SLC38A7: variants seen among roughly 807,000 people sequenced by gnomAD.
SLC38A7 encodes the protein solute carrier family 38 member 7.
Under a neutral mutation model 50.1 loss-of-function variants are expected in SLC38A7, and 29 were observed. The observed-to-expected ratio is 0.58, with a 90% CI of 0.43 to 0.79. The LOEUF (loss-of-function observed/expected upper bound fraction) is 0.79, where lower values mean the gene tolerates loss of function less well. SLC38A7 is among the 30% of genes least tolerant of loss of function. The pLI, the probability that SLC38A7 is intolerant of heterozygous loss-of-function variation, is 0.00. For synonymous variants in SLC38A7, 244 were observed against 245.9 expected, an observed-to-expected ratio of 0.99 and a Z score of 0.07; for missense variants, 483 against 610.6, an observed-to-expected ratio of 0.79 and a Z score of 2.20.
chr16:58,669,775 G>GGAAGGAGGATC, intron 11 of SLC38A7, among the ~76,000 whole-genome samples: 1 of 151,850 alleles, frequency 6.6e-6, no homozygotes, highest in East Asian at 1.9e-4. Flanking sequence ...AGGAGTTCGA[G>GGAAGGAGGATC]ACCGGCCTGG....
At chr16:58,669,974 CAAAA>C in intron 11 of SLC38A7, 135 bp downstream of exon 11, 3 of 591,528 alleles carry the variant, frequency 5.1e-6, no homozygotes, top group Non-Finnish European at 5.3e-6. Flanking sequence ...GACTCCGGCT[CAAAA>C]AAAAAAAAAC....
chr16:58,676,492 G>C lies in SLC38A7; in HGVS notation c.711-146C>G, dbSNP rs555323370. The C allele has an allele frequency of 4.8e-6, 4 of 830,092 alleles. No homozygotes were observed. In the African/African-American group the frequency reaches 5.0e-5, roughly 10 times the overall value. 51.4% of individuals were successfully genotyped at this position (830,092 alleles called of 1,614,324 possible). A position where few individuals can be genotyped will look rare whatever the true frequency, so the allele number is the denominator to read the frequency against. ...ACCCACAGAAGTCTGGGAACAGGGA[G>C]AAGAGGCATCCTTATGTCCCAGGGC... On this transcript the variant is annotated intron_variant, in intron 6 of 11. Coordinates refer to ENST00000219320, the MANE Select transcript of SLC38A7 (RefSeq NM_018231.3).
intron 8 of SLC38A7, among the ~76,000 whole-genome samples, chr16:58,674,300 A>G (rs1477944922): frequency 6.6e-6 from 1 of 152,110 alleles, no homozygotes; most frequent in Non-Finnish European, 1.5e-5. Flanking sequence ...TTTTAGAGAC[A>G]GGGTCTCACT....
Position 58,678,613 on chromosome 16 carries a change from G to T in SLC38A7, c.469+83C>A. The T allele has an allele frequency of 6.3e-7, 1 of 1,576,310 alleles. No individual in the cohort carries two copies. The highest frequency in any genetic ancestry group is 2.3e-5 in the East Asian group (1 of 44,080). On this transcript the variant is annotated intron_variant, in intron 4 of 11. Transcript: ENST00000219320. The surrounding 1 kb of genome is among the most constrained non-coding windows in gnomAD (Gnocchi z 4.0). ...GCTGGGCCCAGGTAAGTCCTGGAGA[G>T]GTGTTCAGTGCCTTTTCCCTCCACC...
At chr16:58,676,397 A>G (rs781442473) in intron 6 of SLC38A7, 51 bp from the exon 7 acceptor site, 2 of 1,601,178 alleles carry the variant, frequency 1.2e-6, no homozygotes, top group Non-Finnish European at 1.7e-6. Context: ...TCAGAGCCAC[A>G]ACCCACCCCA....
chr16:58,676,884 G>C (rs892377893), intron 6 of SLC38A7, among the ~76,000 whole-genome samples: 5 of 152,000 alleles, frequency 3.3e-5, no homozygotes, highest in Admixed American at 6.6e-5. Context: ...TCAATCTCCT[G>C]ACCTCATGAT....
chr16:58,672,375 G>A (rs2044177224), intron 8 of SLC38A7, 132 bp from the exon 9 acceptor site: 2 of 966,524 alleles, frequency 2.1e-6, no homozygotes, highest in East Asian at 2.8e-5. Flanking sequence ...GGCTCAGAGT[G>A]GGAGATGGGG....
intron 2 of SLC38A7, chr16:58,681,256 G>A (rs771007933): frequency 2.7e-4 from 41 of 152,250 alleles, no homozygotes; most frequent in Admixed American, 1.6e-3. Flanking sequence ...GTCATATGGC[G>A]GTCAGTGGTG....
intron 8 of SLC38A7, among the ~76,000 whole-genome samples, chr16:58,674,355 C>T (rs1482998502): frequency 2.0e-5 from 3 of 152,162 alleles, no homozygotes; most frequent in Non-Finnish European, 2.9e-5. Context: ...TGGGTCTCTA[C>T]AGCCTTGATC....
chr16:58,665,469 G>C lies in SLC38A7; in HGVS notation c.*1916C>G, dbSNP rs866355000. On this transcript the variant is annotated 3_prime_UTR_variant, in exon 12 of 12. Coordinates refer to ENST00000219320, the MANE Select transcript of SLC38A7 (RefSeq NM_018231.3). ...GGGCAGAGAAGATCAGGCACCAAGA[G>C]GGGATGTGAGAAAAGGCAGTTTATC... 1 of 151,192 alleles carries C rather than the reference G, an allele frequency of 6.6e-6. No individual in the cohort carries two copies. Among genetic ancestry groups the C allele is most frequent in the African/African-American group, 2.5e-5 (1 of 40,132 alleles). The allele number at this position is 151,192 out of a possible 1,614,324, so 9.4% of individuals were successfully genotyped here.
In SLC38A7 at chr16:58,667,125, T is replaced by C. The variant is rs1597659811; in HGVS notation, c.*260A>G. 5.8e-6 allele frequency: 3 copies of C among 512,906 alleles called. No homozygotes were observed. In the East Asian group the frequency reaches 9.3e-5, roughly 16 times the overall value. 31.8% of individuals were successfully genotyped at this position (512,906 alleles called of 1,614,324 possible). On this transcript the variant is annotated 3_prime_UTR_variant, in exon 12 of 12. Transcript: ENST00000219320. ...TTCCAGGCATGGAGAAGTTGAGAAC[T>C]GGGAGAGGAGGAGGGGTCCTCTATG...
At chr16:58,680,532 T>A (rs969513008) in intron 2 of SLC38A7, among the ~76,000 whole-genome samples, 2 of 152,194 alleles carry the variant, frequency 1.3e-5, no homozygotes, top group Admixed American at 6.5e-5. Context: ...AGGTGTGTCA[T>A]GGATATACTT....
intron 8 of SLC38A7, among the ~76,000 whole-genome samples, chr16:58,673,867 C>T (rs2044209478): frequency 6.6e-6 from 1 of 151,664 alleles, no homozygotes; most frequent in Admixed American, 6.6e-5. Context: ...ACTTTCTCCC[C>T]CAGGCTGGAG....
Position 58,684,101 on chromosome 16 carries a change from A to C in SLC38A7, c.-262T>G, listed in dbSNP as rs542221154. On this transcript the variant is annotated 5_prime_UTR_variant, in exon 2 of 12. Transcript: ENST00000219320. ...AAAATTTGCTGTCAGCAGAGGGAAG[A>C]GTTTGGGCTACTTCTGTGCTGGCTT... is the stretch of plus-strand genomic sequence containing the variant. The C allele has an allele frequency of 1.3e-5, 2 of 152,366 alleles. No individual in the cohort carries two copies. The highest frequency in any genetic ancestry group is 2.9e-5 in the Non-Finnish European group (2 of 68,144). 9.4% of individuals were successfully genotyped at this position (152,366 alleles called of 1,614,324 possible).
Position 58,676,059 on chromosome 16 carries a change from C to G in SLC38A7, c.769-5G>C, listed in dbSNP as rs2044259979. 1 of 1,611,778 alleles carries G rather than the reference C, an allele frequency of 6.2e-7. No homozygotes were observed. Among genetic ancestry groups the G allele is most frequent in the African/African-American group, 1.3e-5 (1 of 74,870 alleles). On this transcript the variant is annotated splice_region_variant and splice_polypyrimidine_tract_variant and intron_variant, in intron 7 of 11. Transcript: ENST00000219320. ...GGGCACACTGCTGACGTGGCACTGT[C>G]CAGGTGAAGGGCACCGTCATGGTGG... is the stretch of plus-strand genomic sequence containing the variant.
At chr16:58,679,437 A>G (rs2044339531) in intron 3 of SLC38A7, among the ~76,000 whole-genome samples, 1 of 152,180 alleles carries the variant, frequency 6.6e-6, no homozygotes, top group African/African-American at 2.4e-5. Flanking sequence ...GCATGTATCC[A>G]TCACTCAGCT....
At chr16:58,682,169 C>T (rs979067625) in intron 2 of SLC38A7, among the ~76,000 whole-genome samples, 11 of 152,028 alleles carry the variant, frequency 7.2e-5, no homozygotes, top group Non-Finnish European at 1.3e-4. Flanking sequence ...AACAAACAAA[C>T]AAACAAAACT....
Position 58,667,184 on chromosome 16 carries a change from C to A in SLC38A7, c.*201G>T, listed in dbSNP as rs558720388. On this transcript the variant is annotated 3_prime_UTR_variant, in exon 12 of 12. Coordinates refer to ENST00000219320, the MANE Select transcript of SLC38A7 (RefSeq NM_018231.3). ...CTTCCTGCCGCCATCCACGGCACTG[C>A]CAGGACTGGGGAGCAGGAAGGGGAC... 111 of 534,658 alleles carry A rather than the reference C, an allele frequency of 2.1e-4. No individual in the cohort carries two copies. The highest frequency in any genetic ancestry group is 3.5e-4 in the Non-Finnish European group (105 of 301,870). 33.1% of individuals were successfully genotyped at this position (534,658 alleles called of 1,614,324 possible).
chr16:58,665,477 G>A lies in SLC38A7; in HGVS notation c.*1908C>T, dbSNP rs527885781. ...AAGATCAGGCACCAAGAGGGGATGT[G>A]AGAAAAGGCAGTTTATCCATCTGGG... On this transcript the variant is annotated 3_prime_UTR_variant, in exon 12 of 12. Coordinates refer to ENST00000219320, the MANE Select transcript of SLC38A7 (RefSeq NM_018231.3). 1.3e-5 allele frequency: 2 copies of A among 151,094 alleles called. No homozygotes were observed. The highest frequency in any genetic ancestry group is 5.0e-5 in the African/African-American group (2 of 40,022). 9.4% of individuals were successfully genotyped at this position (151,094 alleles called of 1,614,324 possible).
Sources: allele counts gnomAD v4.1 joint callset (sites outside exome capture counted in the v4.1 genomes callset), GRCh38; gene constraint gnomAD v4.1.1; non-coding constraint Gnocchi (gnomAD v3.1); transcripts MANE v1.5; gene names NCBI Gene and HGNC (gene_info 2026-07-23, HGNC 2026-07-21).